WDFY2: variants seen among roughly 807,000 people sequenced by gnomAD.
WDFY2 encodes the protein WD repeat and FYVE domain-containing protein 2.
A neutral mutation model predicts 56.4 loss-of-function variants in WDFY2; 36 were observed. That is an observed-to-expected ratio of 0.64 (90% confidence interval 0.49 to 0.84). The LOEUF (loss-of-function observed/expected upper bound fraction) is 0.84. WDFY2 is among the 40% of genes least tolerant of loss of function. The probability of loss-of-function intolerance (pLI) is 0.00; values close to 1 mark genes in which losing one functional copy is unlikely to be tolerated. For synonymous variants in WDFY2, 176 were observed against 183.7 expected (o/e 0.96, Z 0.34); for missense variants, 444 against 512.2 (o/e 0.87, Z 1.29).
intron 6 of WDFY2, among the ~76,000 whole-genome samples, chr13:51,737,913 A>G (rs999812533): frequency 4.5e-4 from 69 of 152,322 alleles, no homozygotes; most frequent in Middle Eastern, 3.4e-3. Context: ...AGGTTTAGGA[A>G]GACGCTAGGA....
At chr13:51,630,547 C>T (rs1023405713) in intron 1 of WDFY2, among the ~76,000 whole-genome samples, 4 of 151,508 alleles carry the variant, frequency 2.6e-5, no homozygotes, top group Admixed American at 6.6e-5. Context: ...AACAACTATA[C>T]GTGTGGCACT....
rs1593494566 is a variant in WDFY2 at position 51,765,083 on chromosome 13, G to A, written c.*5314G>A. 1 of 152,158 alleles carries A rather than the reference G, an allele frequency of 6.6e-6. No homozygotes were observed. Among genetic ancestry groups the A allele is most frequent in the Non-Finnish European group, 1.5e-5 (1 of 68,066 alleles). The allele number at this position is 152,158 out of a possible 1,614,324, so 9.4% of individuals were successfully genotyped here. A position where few individuals can be genotyped will look rare whatever the true frequency, so the allele number is the denominator to read the frequency against. On this transcript the variant is annotated 3_prime_UTR_variant, in exon 12 of 12. Transcript: ENST00000298125. ...GGCACTTGCAACAGGAAGGCAGAGA[G>A]TTTCGTCAATTCAGGTACAGGTCTG...
chr13:51,601,455 C>T (rs1323551265), intron 1 of WDFY2, among the ~76,000 whole-genome samples: 3 of 151,590 alleles, frequency 2.0e-5, no homozygotes, highest in African/African-American at 4.9e-5. Flanking sequence ...GCTTTTGTCG[C>T]CCAGGCTGGA....
At chr13:51,589,882 G>A (rs1954012366) in intron 1 of WDFY2, 1 of 152,140 alleles carries the variant, frequency 6.6e-6, no homozygotes, top group African/African-American at 2.4e-5. Context: ...TATGATTGTG[G>A]AAAATTAGAC....
chr13:51,675,821 T>C (rs1353100653), intron 3 of WDFY2, among the ~76,000 whole-genome samples: 1 of 152,248 alleles, frequency 6.6e-6, no homozygotes, highest in Non-Finnish European at 1.5e-5. Flanking sequence ...TGATTATAGA[T>C]GTTGGGGGAA....
intron 1 of WDFY2, among the ~76,000 whole-genome samples, chr13:51,655,333 C>T (rs753761229): frequency 5.9e-5 from 9 of 151,892 alleles, no homozygotes; most frequent in Non-Finnish European, 2.9e-5. Flanking sequence ...GTGGATTTTT[C>T]ATGAATATCC....
intron 1 of WDFY2, among the ~76,000 whole-genome samples, chr13:51,630,556 C>G (rs1954933537): frequency 1.3e-5 from 2 of 151,348 alleles, no homozygotes; most frequent in African/African-American, 4.9e-5. Context: ...ACGTGTGGCA[C>G]TTTTGCACAC....
chr13:51,638,683 A>G (rs140621761), intron 1 of WDFY2, among the ~76,000 whole-genome samples: 57 of 152,356 alleles, frequency 3.7e-4, no homozygotes, highest in African/African-American at 1.3e-3. Context: ...TTTATTACCT[A>G]CATAACTCCT....
chr13:51,759,826 CA>C lies in WDFY2; in HGVS notation c.*60del. 1 of 1,089,290 alleles carries C rather than the reference CA, an allele frequency of 9.2e-7. No homozygotes were observed. The highest frequency in any genetic ancestry group is 1.3e-6 in the Non-Finnish European group (1 of 770,146). The allele number at this position is 1,089,290 out of a possible 1,614,324, so 67.5% of individuals were successfully genotyped here. A position where few individuals can be genotyped will look rare whatever the true frequency, so the allele number is the denominator to read the frequency against. ...TACTAAAGAAACGGTTGTTTTAACC[CA>C]AATCATTACCAGAGTGGTAAAGCAG... On this transcript the variant is annotated 3_prime_UTR_variant, in exon 12 of 12. Coordinates refer to ENST00000298125, the MANE Select transcript of WDFY2 (RefSeq NM_052950.4).
chr13:51,656,166 C>CT (rs750013832), intron 1 of WDFY2, among the ~76,000 whole-genome samples: 269 of 131,666 alleles, frequency 2.0e-3, no homozygotes, highest in Non-Finnish European at 3.4e-3. Flanking sequence ...TTGTGATCTT[C>CT]TTTTTTAATA....
At chr13:51,660,274 G>A (rs1269126375) in intron 1 of WDFY2, among the ~76,000 whole-genome samples, 1 of 151,702 alleles carries the variant, frequency 6.6e-6, no homozygotes, top group Non-Finnish European at 1.5e-5. Flanking sequence ...TTGACTCACT[G>A]CAACCTCTGC....
chr13:51,720,111 A>G (rs528186226), intron 5 of WDFY2, among the ~76,000 whole-genome samples: 2 of 152,344 alleles, frequency 1.3e-5, no homozygotes, highest in African/African-American at 4.8e-5. Flanking sequence ...ATTGAGAGGT[A>G]GGTAGAAACA....
chr13:51,602,950 G>A lies in WDFY2; in HGVS notation c.137+18126G>A, dbSNP rs139310079. On this transcript the variant is annotated intron_variant, in intron 1 of 11. Transcript: ENST00000298125. Reference sequence around the variant, plus strand: ...TACTCCCAGCTCTGCCCCTTCGCTTGTATTGCAGGATTGCCTTTGCTGCTT... The same window carrying A: ...TACTCCCAGCTCTGCCCCTTCGCTTATATTGCAGGATTGCCTTTGCTGCTT... Among the ~76,000 whole-genome samples the A allele has an allele frequency of 8.7e-3, 1,330 of 152,246 alleles. 18 individuals carry two copies. The highest frequency in any genetic ancestry group is 0.031 in the African/African-American group (1,267 of 41,538).
intron 1 of WDFY2, among the ~76,000 whole-genome samples, chr13:51,625,613 A>G (rs1954823827): frequency 6.6e-6 from 1 of 152,194 alleles, no homozygotes; most frequent in Non-Finnish European, 1.5e-5. Flanking sequence ...AATCCTCCTC[A>G]ATTCAGAGGG....
intron 1 of WDFY2, among the ~76,000 whole-genome samples, chr13:51,635,595 T>A (rs918605845): frequency 1.3e-5 from 2 of 152,190 alleles, no homozygotes; most frequent in African/African-American, 2.4e-5. Context: ...TCAGAAATAG[T>A]CTCATGGTAA....
In WDFY2 at chr13:51,719,320, C is replaced by T. The variant is rs745788664; in HGVS notation, c.457C>T (p.Arg153Trp). The change falls in exon 5 of 12, where the codon CGG (arginine) becomes TGG (tryptophan). Residue 153 changes from arginine (R) to tryptophan (W), a missense_variant. Coordinates refer to ENST00000298125, the MANE Select transcript of WDFY2 (RefSeq NM_052950.4). ...GAGTGGGCAGCGCCTGGGAGGTTAT[C>T]GGACCAGTGCTGTGGCCTCAGGCCT... ...SESGQRLGGY[R>W]TSAVASGLQF... is the part of the protein sequence containing the mutation. The T allele has an allele frequency of 9.9e-6, 16 of 1,608,942 alleles. No individual in the cohort carries two copies. The highest frequency in any genetic ancestry group is 6.7e-5 in the East Asian group (3 of 44,838).
intron 2 of WDFY2, among the ~76,000 whole-genome samples, chr13:51,662,236 G>A (rs1463420744): frequency 6.6e-6 from 1 of 152,114 alleles, no homozygotes. Context: ...CTCCCAAAGT[G>A]CTTACAGGCA....
At chr13:51,731,810 A>G (rs1952728540) in intron 6 of WDFY2, among the ~76,000 whole-genome samples, 1 of 152,176 alleles carries the variant, frequency 6.6e-6, no homozygotes, top group Non-Finnish European at 1.5e-5. Flanking sequence ...CATCACTCCA[A>G]ATCCAAACTC....
intron 5 of WDFY2, among the ~76,000 whole-genome samples, chr13:51,726,026 G>A (rs1252420835): frequency 6.6e-6 from 1 of 152,150 alleles, no homozygotes; most frequent in Non-Finnish European, 1.5e-5. Flanking sequence ...TTCTAAAATA[G>A]GAACTATGAC....
Sources: gnomAD v4.1 joint callset for allele counts (sites outside exome capture counted in the v4.1 genomes callset) on GRCh38, gnomAD v4.1.1 for gene constraint, MANE v1.5 for transcripts, NCBI Gene and HGNC (gene_info 2026-07-23, HGNC 2026-07-21) for gene names.